The following DENND2B variants were observed in gnomAD, a reference collection of about 807,000 sequenced individuals.
The protein encoded by DENND2B is DENN domain containing 2B, also known as DENN domain-containing protein 2B.
DENND2B carries 32 observed loss-of-function variants against 116.0 expected under a neutral mutation model. The observed-to-expected ratio is 0.28, with a 90% CI of 0.21 to 0.37. DENND2B has a LOEUF of 0.37. DENND2B is among the 10% of genes least tolerant of loss of function. The pLI is 1.00. For synonymous variants in DENND2B, 588 were observed against 583.9 expected (o/e 1.01, Z -0.10); for missense variants, 1,276 against 1,477.7 (o/e 0.86, Z 2.24).
At chr11:8,754,220 A>T (rs781405669) in intron 1 of DENND2B, among the ~76,000 whole-genome samples, 25 of 152,222 alleles carry the variant, frequency 1.6e-4, no homozygotes, top group Non-Finnish European at 3.2e-4. Flanking sequence ...GAATTCTTTC[A>T]ACTCAATAAT....
intron 4 of DENND2B, chr11:8,718,302 T>C: frequency 6.9e-7 from 1 of 1,452,662 alleles, no homozygotes. Flanking sequence ...GGAAGGGTTT[T>C]CAGGTCACAT....
At chr11:8,760,132 C>A (rs1246977072) in intron 1 of DENND2B, among the ~76,000 whole-genome samples, 1 of 152,186 alleles carries the variant, frequency 6.6e-6, no homozygotes, top group Non-Finnish European at 1.5e-5. Context: ...CCCGACAGAT[C>A]GACGACTTGC....
chr11:8,853,220 G>A (rs189410674), intron 3 of DENND2B, among the ~76,000 whole-genome samples: 18 of 152,128 alleles, frequency 1.2e-4, no homozygotes, highest in African/African-American at 4.8e-5. Flanking sequence ...AAAATTAGCC[G>A]GGCGTGGTGG....
At chr11:8,812,266 G>A (rs1005706256), upstream of DENND2B, among the ~76,000 whole-genome samples, 1 of 152,196 alleles carries the variant, frequency 6.6e-6, no homozygotes, top group Non-Finnish European at 1.5e-5. Context: ...ATCCTTGTAA[G>A]TTGTGGCGAG....
intron 1 of DENND2B, among the ~76,000 whole-genome samples, chr11:8,800,294 T>C (rs1199770192): frequency 6.6e-6 from 1 of 152,134 alleles, no homozygotes; most frequent in African/African-American, 2.4e-5. Context: ...AGAACACATA[T>C]TAGGTCACAA....
intron 2 of DENND2B, among the ~76,000 whole-genome samples, chr11:8,745,449 G>C (rs1264850746): frequency 6.6e-6 from 1 of 152,184 alleles, no homozygotes; most frequent in African/African-American, 2.4e-5. Context: ...AGGGGAGAGA[G>C]TGAGTGTATT....
intron 1 of DENND2B, among the ~76,000 whole-genome samples, chr11:8,902,828 T>C (rs1399613809): frequency 6.6e-6 from 1 of 152,238 alleles, no homozygotes; most frequent in East Asian, 1.9e-4. Context: ...TCTAAGCCAG[T>C]CTGACAATCT....
chr11:8,713,660 A>G (rs559593048), intron 8 of DENND2B, among the ~76,000 whole-genome samples: 8 of 151,242 alleles, frequency 5.3e-5, no homozygotes, highest in East Asian at 3.9e-4. Context: ...GATTACAGGC[A>G]TGAGCCACCG....
rs112311214 is a variant in DENND2B at position 8,730,399 on chromosome 11, G to A, written c.891C>T (p.Gly297=). 3.3e-3 allele frequency: 5,298 copies of A among 1,605,988 alleles called. 138 individuals are homozygous for A. In the African/African-American group the frequency reaches 0.059, roughly 18 times the overall value. The change falls in exon 3 of 20, where the codon GGC becomes GGT. Residue 297 remains glycine (G), a synonymous_variant. Coordinates refer to ENST00000313726, the MANE Select transcript of DENND2B (RefSeq NM_213618.2). This position sits in a 1 kb window ranked among gnomAD's most constrained non-coding sequence, Gnocchi z 4.1. The part of the protein sequence containing the change: ...KIEQVLKEQP[G]RGLPQLPSSC... ...TGCTGGGGAGCTGGGGGAGCCCCCG[G>A]CCCGGCTGCTCCTTCAGGACCTGTT... is the stretch of plus-strand genomic sequence containing the variant.
intron 1 of DENND2B, among the ~76,000 whole-genome samples, chr11:8,751,110 C>T (rs1337288519): frequency 6.6e-6 from 1 of 151,936 alleles, no homozygotes; most frequent in Non-Finnish European, 1.5e-5. Flanking sequence ...GTAAATACAC[C>T]AATCAGCACT....
intron 4 of DENND2B, among the ~76,000 whole-genome samples, chr11:8,721,283 A>G (rs1401734692): frequency 6.6e-6 from 1 of 151,222 alleles, no homozygotes; most frequent in Non-Finnish European, 1.5e-5. Context: ...ACTCCTCCCT[A>G]CAACCTCCCA....
Position 8,718,357 on chromosome 11 carries a change from A to G in DENND2B, c.1478-465T>C, listed in dbSNP as rs1406340122. 4.6e-6 allele frequency: 7 copies of G among 1,534,940 alleles called. No individual in the cohort carries two copies. In the South Asian group the frequency reaches 6.0e-5, roughly 13 times the overall value. On this transcript the variant is annotated intron_variant, in intron 4 of 19. Transcript: ENST00000313726. ...TCTCAGGGGATCTCCCTGGGGACCT[A>G]CTTTGGAGGGTGGGCATGGAGGAAC...
chr11:8,890,774 CT>C (rs2064021638), intron 1 of DENND2B, among the ~76,000 whole-genome samples: 1 of 152,072 alleles, frequency 6.6e-6, no homozygotes, highest in Non-Finnish European at 1.5e-5. Flanking sequence ...AGTGGTGTAC[CT>C]GAAAGTGACA....
intron 1 of DENND2B, among the ~76,000 whole-genome samples, chr11:8,791,250 C>T (rs2059350961): frequency 1.3e-5 from 2 of 152,190 alleles, no homozygotes; most frequent in African/African-American, 4.8e-5. Context: ...GTCACAAGAT[C>T]TAGGTCCAGC....
chr11:8,712,581 G>A lies in DENND2B; in HGVS notation c.2142C>T (p.Tyr714=). The change falls in exon 9 of 20, where the codon TAC becomes TAT. Residue 714 remains tyrosine (Y), a synonymous_variant. Coordinates refer to ENST00000313726, the MANE Select transcript of DENND2B (RefSeq NM_213618.2). This position sits in a 1 kb window ranked among gnomAD's most constrained non-coding sequence, Gnocchi z 4.4. ...SLKKKPSRNT[Y]LPEVSYQFPK... is the part of the protein sequence containing the mutation. ...GAAACTGGTAGGAGACTTCGGGGAG[G>A]TAGGTGTTTCGCGATGGCTTCTTCT... 1.3e-6 allele frequency: 2 copies of A among 1,555,156 alleles called. No individual in the cohort carries two copies. Among genetic ancestry groups the A allele is most frequent in the East Asian group, 4.8e-5 (2 of 41,292 alleles).
At chr11:8,812,574 C>A (rs1195420637), upstream of DENND2B, among the ~76,000 whole-genome samples, 1 of 152,144 alleles carries the variant, frequency 6.6e-6, no homozygotes, top group Non-Finnish European at 1.5e-5. Flanking sequence ...AATCCCCAAG[C>A]CTTTCAAGTC....
upstream of DENND2B, among the ~76,000 whole-genome samples, chr11:8,812,739 A>C (rs2134512581): frequency 6.6e-6 from 1 of 152,284 alleles, no homozygotes; most frequent in South Asian, 2.1e-4. Flanking sequence ...GCTGGGACTG[A>C]GCATCGGAAG....
rs528839786 is a variant in DENND2B, at chr11:8,796,681, G to T, written c.-26+13836C>A. On this transcript the variant is annotated intron_variant, in intron 1 of 19. Transcript: ENST00000313726. ...AGAGATCTGTACGCTAGGAAATCAG[G>T]GTTTATTTACAAACACTAGTTTACT... is the stretch of plus-strand genomic sequence containing the variant. Among the ~76,000 whole-genome samples the T allele has an allele frequency of 2.6e-5, 4 of 152,102 alleles. No homozygotes were observed. The South Asian group carries it at 8.3e-4, about 32-fold the overall frequency.
chr11:8,714,621 G>A lies in DENND2B; in HGVS notation c.1931C>T (p.Ala644Val), dbSNP rs2044378977. ...KKLSMSSIET[A>V]SLRDENSESE... is the part of the protein sequence containing the mutation. ...GCACCAAAGCCTACCTCTCAGTGAT[G>A]CTGTTTCAATGCTGGACATAGACAA... Residue 644 changes from alanine to valine, a missense_variant, in exon 7 of 20, where the codon GCA (alanine) becomes GTA (valine). Ala to Val is a moderately conservative substitution (Grantham distance 64). Coordinates refer to ENST00000313726, the MANE Select transcript of DENND2B (RefSeq NM_213618.2). 6.2e-7 allele frequency: 1 copy of A among 1,613,918 alleles called. No homozygotes were observed. The highest frequency in any genetic ancestry group is 8.5e-7 in the Non-Finnish European group (1 of 1,179,882).
Sources: allele counts gnomAD v4.1 joint callset (sites outside exome capture counted in the v4.1 genomes callset), GRCh38; gene constraint gnomAD v4.1.1; non-coding constraint Gnocchi (gnomAD v3.1); transcripts MANE v1.5; gene names NCBI Gene and HGNC (gene_info 2026-07-23, HGNC 2026-07-21).